NCKAP5: variants seen among roughly 807,000 people sequenced by gnomAD.
NCKAP5 encodes nck-associated protein 5.
In NCKAP5, 92 loss-of-function variants were observed where a neutral mutation model predicts 167.0. The ratio of observed to expected loss-of-function variants is 0.55; its 90% confidence interval spans 0.47 to 0.66. The LOEUF is 0.66. NCKAP5 is among the 30% of genes least tolerant of loss of function. The pLI is 0.00. For missense variants in NCKAP5, 2,378 were observed against 2,315.0 expected, an observed-to-expected ratio of 1.03 and a Z score of -0.56; for synonymous variants, 891 against 877.4, an observed-to-expected ratio of 1.02 and a Z score of -0.27.
At chr2:133,151,308 G>GA (rs2083377081) in intron 5 of NCKAP5, among the ~76,000 whole-genome samples, 1 of 152,064 alleles carries the variant, frequency 6.6e-6, no homozygotes, top group Non-Finnish European at 1.5e-5. Flanking sequence ...TCATTAAAAT[G>GA]AAAAACCTTA....
At chr2:133,456,784 G>C (rs187055521) in intron 3 of NCKAP5, among the ~76,000 whole-genome samples, 1 of 152,278 alleles carries the variant, frequency 6.6e-6, no homozygotes, top group African/African-American at 2.4e-5. Flanking sequence ...TTGTTTAACA[G>C]AAGTACTTAT....
intron 6 of NCKAP5, among the ~76,000 whole-genome samples, chr2:133,078,603 A>G (rs1304297266): frequency 1.3e-5 from 2 of 152,120 alleles, no homozygotes; most frequent in African/African-American, 4.8e-5. Flanking sequence ...GAGTAGACAG[A>G]AAAGTTGTCA....
At chr2:133,484,450 G>A (rs1046594633) in intron 3 of NCKAP5, among the ~76,000 whole-genome samples, 5 of 152,266 alleles carry the variant, frequency 3.3e-5, no homozygotes, top group East Asian at 3.9e-4. Context: ...CAGGGGAAAC[G>A]ATGCCATTTC....
chr2:132,940,612 G>T (rs1464921250), intron 8 of NCKAP5, among the ~76,000 whole-genome samples: 1 of 152,114 alleles, frequency 6.6e-6, no homozygotes, highest in African/African-American at 2.4e-5. Context: ...TGATTGACAG[G>T]ATATTATGCA....
the NCKAP5 span, among the ~76,000 whole-genome samples, chr2:133,595,888 T>G: frequency 1.3e-5 from 2 of 152,288 alleles, no homozygotes; most frequent in East Asian, 3.9e-4. Flanking sequence ...ATACTGTCCT[T>G]TTACAATTTT....
At chr2:132,722,311 T>C (rs1690001367) in intron 19 of NCKAP5, among the ~76,000 whole-genome samples, 1 of 152,232 alleles carries the variant, frequency 6.6e-6, no homozygotes, top group South Asian at 2.1e-4. Flanking sequence ...CTGTCTACAC[T>C]GGAACCCCAC....
chr2:133,502,428 G>T (rs1450063949), intron 3 of NCKAP5, among the ~76,000 whole-genome samples: 1 of 152,184 alleles, frequency 6.6e-6, no homozygotes, highest in Non-Finnish European at 1.5e-5. Context: ...GTGTGTGGTG[G>T]TGGTGTTTGA....
chr2:133,457,316 G>A (rs575574579), intron 3 of NCKAP5, among the ~76,000 whole-genome samples: 2 of 152,102 alleles, frequency 1.3e-5, no homozygotes, highest in Admixed American at 6.5e-5. Context: ...AGTGTCTGTA[G>A]AGCCAAAGCT....
At chr2:133,082,541 T>C (rs2080845439) in intron 6 of NCKAP5, among the ~76,000 whole-genome samples, 1 of 152,140 alleles carries the variant, frequency 6.6e-6, no homozygotes, top group Non-Finnish European at 1.5e-5. Flanking sequence ...GGGACCTCCT[T>C]CCTGTTTCCT....
intron 3 of NCKAP5, among the ~76,000 whole-genome samples, chr2:133,320,344 C>T (rs1004236661): frequency 6.6e-6 from 1 of 152,164 alleles, no homozygotes; most frequent in Non-Finnish European, 1.5e-5. Context: ...TCCTGCCTCA[C>T]TCTGTAAATG....
intron 3 of NCKAP5, among the ~76,000 whole-genome samples, chr2:133,411,140 T>C (rs1018779024): frequency 1.3e-5 from 2 of 152,206 alleles, no homozygotes; most frequent in African/African-American, 4.8e-5. Flanking sequence ...ATCATAATGA[T>C]CCATCTTGCA....
chr2:133,202,710 C>A (rs148780071), intron 5 of NCKAP5, among the ~76,000 whole-genome samples: 23 of 152,040 alleles, frequency 1.5e-4, no homozygotes, highest in African/African-American at 5.3e-4. Flanking sequence ...TCAAACAACC[C>A]CATCAAAAAG....
At chr2:133,553,203 C>A (rs1687495882) in intron 2 of NCKAP5, among the ~76,000 whole-genome samples, 1 of 152,144 alleles carries the variant, frequency 6.6e-6, no homozygotes, top group Non-Finnish European at 1.5e-5. Context: ...GTATGCTGTC[C>A]AGACTAGAGG....
intron 3 of NCKAP5, among the ~76,000 whole-genome samples, chr2:133,425,234 T>G (rs1459945527): frequency 6.6e-6 from 1 of 152,116 alleles, no homozygotes. Context: ...ATCGCACAGG[T>G]GAAGAATGGG....
intron 6 of NCKAP5, chr2:133,123,221 T>C (rs1185062514): frequency 2.0e-5 from 3 of 152,284 alleles, no homozygotes; most frequent in Non-Finnish European, 4.4e-5. Context: ...GAAAGAGAAA[T>C]ACAAAACAAT....
intron 3 of NCKAP5, among the ~76,000 whole-genome samples, chr2:133,399,467 G>T (rs1051396493): frequency 2.6e-5 from 4 of 151,948 alleles, no homozygotes; most frequent in Admixed American, 2.0e-4. Flanking sequence ...AGGGAGAAAA[G>T]AGTTCTAAGA....
chr2:133,179,823 T>G (rs2084651793), intron 5 of NCKAP5, among the ~76,000 whole-genome samples: 1 of 149,396 alleles, frequency 6.7e-6, no homozygotes, highest in Non-Finnish European at 1.5e-5. Flanking sequence ...AAAAAAGGAA[T>G]AATGAACAGT....
At chr2:133,369,181 G>C (rs913581455) in intron 3 of NCKAP5, among the ~76,000 whole-genome samples, 1 of 152,184 alleles carries the variant, frequency 6.6e-6, no homozygotes, top group Non-Finnish European at 1.5e-5. Flanking sequence ...TCACGGGTGG[G>C]ACAAAGGCAC....
intron 7 of NCKAP5, among the ~76,000 whole-genome samples, chr2:132,989,858 T>G (rs1248150727): frequency 2.0e-5 from 3 of 152,184 alleles, no homozygotes; most frequent in Non-Finnish European, 4.4e-5. Context: ...CCTGAAGATT[T>G]GAGACCTCTA....
Sources: gnomAD v4.1 joint callset for allele counts (sites outside exome capture counted in the v4.1 genomes callset) on GRCh38, gnomAD v4.1.1 for gene constraint, MANE v1.5 for transcripts, NCBI Gene and HGNC (gene_info 2026-07-23, HGNC 2026-07-21) for gene names.